Variants in MYH8 observed in about 807,000 individuals in gnomAD.
The protein encoded by MYH8 is myosin-8.
In MYH8, 168 loss-of-function variants were observed where a neutral mutation model predicts 233.2. The ratio of observed to expected loss-of-function variants is 0.72; its 90% confidence interval spans 0.64 to 0.82. MYH8 has a LOEUF of 0.82. Among genes scored for constraint, MYH8 ranks in the 40% least tolerant of loss-of-function variants. MYH8 has a pLI of 0.00. For synonymous variants in MYH8, 785 were observed against 850.6 expected (o/e 0.92, Z 1.34); for missense variants, 1,995 against 2,327.8 (o/e 0.86, Z 2.94).
chr17:10,401,229 A>G (rs1313202232), intron 24 of MYH8, 38 bp from the exon 25 acceptor site: 13 of 1,613,254 alleles, frequency 8.1e-6, no homozygotes, highest in African/African-American at 1.3e-5. Flanking sequence ...TTGAAAGTAT[A>G]TATTTTTAAA....
intron 15 of MYH8, among the ~76,000 whole-genome samples, chr17:10,409,806 G>A (rs2072228853): frequency 6.6e-6 from 1 of 152,142 alleles, no homozygotes; most frequent in Non-Finnish European, 1.5e-5. Flanking sequence ...TAAAAGAATA[G>A]CTGGATACAA....
chr17:10,405,964 A>G (rs2072188517), intron 21 of MYH8, 77 bp downstream of exon 21: 1 of 1,561,448 alleles, frequency 6.4e-7, no homozygotes, highest in African/African-American at 1.4e-5. Flanking sequence ...CACCAAATGA[A>G]AGAATTAATG....
chr17:10,401,479 C>A (rs1167112557), intron 23 of MYH8, 28 bp from the exon 24 acceptor site: 1 of 1,613,986 alleles, frequency 6.2e-7, no homozygotes, highest in Admixed American at 1.7e-5. Flanking sequence ...GAGATTATTT[C>A]TCCTATAAAG....
Position 10,393,142 on chromosome 17 carries a change from T to C in MYH8, c.5235A>G (p.Glu1745=). The stretch of plus-strand genomic sequence containing the variant: ...CATTGCGTGATTCTTGGATTACTTC[T>C]TCCACTTCACTTTGGAGTTGGGAAA... ...NDVSQLQSEV[E]EVIQESRNAE... The change falls in exon 36 of 40, where the codon GAA becomes GAG. Residue 1745 remains glutamate (E), a synonymous_variant. Coordinates refer to ENST00000403437, the MANE Select transcript of MYH8 (RefSeq NM_002472.3). 1 of 1,614,250 alleles carries C rather than the reference T, an allele frequency of 6.2e-7. No individual in the cohort carries two copies. Among genetic ancestry groups the C allele is most frequent in the Non-Finnish European group, 8.5e-7 (1 of 1,180,040 alleles).
Position 10,400,752 on chromosome 17 carries a change from T to A in MYH8, c.3373A>T (p.Ile1125Phe). 9.3e-6 allele frequency: 15 copies of A among 1,614,206 alleles called. No individual in the cohort carries two copies. Among genetic ancestry groups the A allele is most frequent in the Non-Finnish European group, 1.2e-5 (14 of 1,180,048 alleles). ...QARIEELGEE[I>F]EAERASRAKA... ...GCTCGGGACGCCCTCTCTGCCTCGA[T>A]TTCTTCCCCCAGCTCCTCAATGCGG... The change falls in exon 27 of 40, where the codon ATC (isoleucine) becomes TTC (phenylalanine). Residue 1125 changes from isoleucine (I) to phenylalanine (F), a missense_variant. Ile to Phe is a conservative substitution (Grantham distance 21, BLOSUM62 0). Transcript: ENST00000403437. The surrounding 1 kb of genome is among the most constrained non-coding windows in gnomAD (Gnocchi z 4.0).
chr17:10,398,542 C>A lies in MYH8; in HGVS notation c.4080G>T (p.Leu1360=), dbSNP rs373380684. 2.0e-4 allele frequency: 323 copies of A among 1,614,094 alleles called. 1 individual carries two copies. The highest frequency in any genetic ancestry group is 2.6e-4 in the Non-Finnish European group (311 of 1,180,042). ...TGTTGGCCTTGGACAGCGCCCTCTG[C>A]AGCTCAGCTTTGCCTTCCTGCTCTT... ...YEEEQEGKAE[L]QRALSKANSE... Residue 1360 remains leucine, a synonymous_variant, in exon 30 of 40, where the codon CTG becomes CTT. Coordinates refer to ENST00000403437, the MANE Select transcript of MYH8 (RefSeq NM_002472.3).
At chr17:10,409,223 G>A (rs950012433) in intron 16 of MYH8, 56 bp downstream of exon 16, 45 of 1,612,926 alleles carry the variant, frequency 2.8e-5, no homozygotes, top group Non-Finnish European at 6.8e-6. Flanking sequence ...ATATGAACAT[G>A]TATTATAACA....
rs753954757 is a variant in MYH8 at position 10,406,066 on chromosome 17, C to G, written c.2407G>C (p.Glu803Gln). 3.1e-6 allele frequency: 5 copies of G among 1,613,862 alleles called. No individual in the cohort carries two copies. Among genetic ancestry groups the G allele is most frequent in the Admixed American group, 1.7e-5 (1 of 60,002 alleles). Reference protein sequence around the residue: ...AVCRGFLMRVEYQKMLQRREA... With the variant: ...AVCRGFLMRVQYQKMLQRREA... Reference sequence around the variant, plus strand: ...CTCCTTTGCAACATCTTCTGATATTCTACCCTCATTAGGAATCCCCTACAG... The same window carrying G: ...CTCCTTTGCAACATCTTCTGATATTGTACCCTCATTAGGAATCCCCTACAG... Residue 803 changes from glutamate to glutamine, a missense_variant, in exon 21 of 40, where the codon GAA (glutamate) becomes CAA (glutamine). Physicochemically the swap from Glu to Gln is conservative, Grantham distance 29. Around this residue, in one of 3 missense-constraint regions of MYH8, gnomAD observed 1,498 missense variants for 1,680.9 expected, o/e 0.89. Transcript: ENST00000403437.
At chr17:10,413,870 T>C in intron 12 of MYH8, 32 bp downstream of exon 12, 1 of 1,613,972 alleles carries the variant, frequency 6.2e-7, no homozygotes, top group Non-Finnish European at 8.5e-7. Context: ...CTACATTCTC[T>C]CATTAAACCC....
At position 10,390,382 on chromosome 17, in the gene MYH8, A is replaced by G. The variant is rs184845947; in HGVS notation, c.*72T>C. The G allele has an allele frequency of 6.9e-4, 1,085 of 1,576,832 alleles. 7 individuals are homozygous for G. In the African/African-American group the frequency reaches 0.012, roughly 18 times the overall value. ...CAGCTTTAACAGGAAAATAAACGTCATAAAGCAAGTGACCAAAAATAGCAC... is the reference window on the plus strand; with the variant it reads ...CAGCTTTAACAGGAAAATAAACGTCGTAAAGCAAGTGACCAAAAATAGCAC... On this transcript the variant is annotated 3_prime_UTR_variant, in exon 40 of 40. Transcript: ENST00000403437.
At position 10,398,770 on chromosome 17, in the gene MYH8, T is replaced by TA. The variant is rs781570170; in HGVS notation, c.3978dup (p.Lys1327Ter). 1.9e-6 allele frequency: 3 copies of TA among 1,614,050 alleles called. No homozygotes were observed. In the South Asian group the frequency reaches 3.3e-5, roughly 18 times the overall value. The stretch of plus-strand genomic sequence containing the variant: ...AAAAAATCCTTGGCAAAACTCACTT[T>TA]AGTTTCTTCCTCTAGTTGATGTTTC... On this transcript the variant is annotated frameshift_variant, in exon 29 of 40. Transcript: ENST00000403437. LOFTEE classifies it high-confidence loss of function.
At chr17:10,413,704 T>A (rs965456637) in intron 12 of MYH8, among the ~76,000 whole-genome samples, 198 bp downstream of exon 12, 2 of 152,168 alleles carry the variant, frequency 1.3e-5, no homozygotes, top group Admixed American at 1.3e-4. Flanking sequence ...TGTTTGTGAC[T>A]TATTTGGGCT....
chr17:10,398,501 C>T lies in MYH8; in HGVS notation c.4121G>A (p.Trp1374Ter). The change falls in exon 30 of 40, where the codon TGG becomes TAG. Residue 1374 changes from tryptophan to a stop codon, truncating the protein, a stop_gained. Transcript: ENST00000403437. LOFTEE classifies it high-confidence loss of function. ...LSKANSEVAQ[W>*]RTKYETDAIQ... ...GGCATCCGTCTCGTATTTGGTTCTC[C>T]ACTGGGCAACCTCACTGTTGGCCTT... The T allele has an allele frequency of 6.2e-7, 1 of 1,614,076 alleles. No individual in the cohort carries two copies. The highest frequency in any genetic ancestry group is 8.5e-7 in the Non-Finnish European group (1 of 1,179,960).
chr17:10,400,539 G>A lies in MYH8; in HGVS notation c.3586C>T (p.Arg1196Trp), dbSNP rs765916450. 5 of 1,614,114 alleles carry A rather than the reference G, an allele frequency of 3.1e-6. No individual in the cohort carries two copies. The highest frequency in any genetic ancestry group is 1.1e-5 in the South Asian group (1 of 91,072). ...GCCATACTGTCTGCGTGCTTCTTCC[G>A]AAGAGCAGCCACCATAGCTTCATGC... The part of the protein sequence containing the change: ...LQHEAMVAAL[R>W]KKHADSMAEL... The change falls in exon 27 of 40, where the codon CGG (arginine) becomes TGG (tryptophan). Residue 1196 changes from arginine (R) to tryptophan (W), a missense_variant. Arg to Trp is a moderately radical substitution (Grantham distance 101). This residue lies in a region of MYH8 where 1,498 missense variants were observed against 1,680.9 expected (regional missense o/e 0.89). Transcript: ENST00000403437. This position sits in a 1 kb window ranked among gnomAD's most constrained non-coding sequence, Gnocchi z 4.0.
chr17:10,397,114 C>G, intron 30 of MYH8, 128 bp from the exon 31 acceptor site: 2 of 1,168,024 alleles, frequency 1.7e-6, no homozygotes, highest in Non-Finnish European at 2.4e-6. Context: ...GACGGAGTCT[C>G]GCTCTGTCGC....
chr17:10,400,443 TC>T lies in MYH8; in HGVS notation c.3681del (p.Lys1228ArgfsTer28). The T allele has an allele frequency of 6.2e-7, 1 of 1,614,010 alleles. No homozygotes were observed. The highest frequency in any genetic ancestry group is 2.2e-5 in the East Asian group (1 of 44,880). ...KQKLEKEKSE[L>X]KMETDDLSSN... ...CTGCTGAGGTCATCAGTCTCCATCT[TC>T]AGCTCACTCTTCTCCTTCTCCAGCT... On this transcript the variant is annotated frameshift_variant, in exon 27 of 40. Coordinates refer to ENST00000403437, the MANE Select transcript of MYH8 (RefSeq NM_002472.3). LOFTEE classifies it high-confidence loss of function. This position sits in a 1 kb window ranked among gnomAD's most constrained non-coding sequence, Gnocchi z 4.0.
intron 35 of MYH8, 84 bp downstream of exon 35, chr17:10,394,165 T>G: frequency 1.3e-6 from 2 of 1,546,104 alleles, no homozygotes; most frequent in South Asian, 2.2e-5. Context: ...ATACACATAT[T>G]TATACAAATT....
Position 10,410,770 on chromosome 17 carries a change from A to T in MYH8, c.1587+7T>A. On this transcript the variant is annotated splice_region_variant and intron_variant, in intron 15 of 39. Transcript: ENST00000403437. ...ACAGTCTGCCCTTCTTTGGAAACCAAACCGACCTTCTCAATGAGCTCAATG... is the reference window on the plus strand; with the variant it reads ...ACAGTCTGCCCTTCTTTGGAAACCATACCGACCTTCTCAATGAGCTCAATG... The T allele has an allele frequency of 6.2e-7, 1 of 1,613,962 alleles. No homozygotes were observed. Among genetic ancestry groups the T allele is most frequent in the South Asian group, 1.1e-5 (1 of 91,062 alleles).
At chr17:10,405,579 A>T (rs1451982203) in intron 21 of MYH8, among the ~76,000 whole-genome samples, 1 of 152,222 alleles carries the variant, frequency 6.6e-6, no homozygotes, top group Non-Finnish European at 1.5e-5. Context: ...TTGGGTAGAT[A>T]AACTGGGTGA....
Sources: allele counts gnomAD v4.1 joint callset (sites outside exome capture counted in the v4.1 genomes callset), GRCh38; gene constraint gnomAD v4.1.1; regional missense constraint gnomAD v4.1.1; non-coding constraint Gnocchi (gnomAD v3.1); transcripts MANE v1.5; gene names NCBI Gene and HGNC (gene_info 2026-07-23, HGNC 2026-07-21).